Variants in MYO10 observed in about 807,000 individuals in gnomAD.
The protein encoded by MYO10 is myosin X.
MYO10 carries 133 observed loss-of-function variants against 257.3 expected under a neutral mutation model. The observed-to-expected ratio is 0.52, with a 90% CI of 0.45 to 0.60. The LOEUF is 0.60. MYO10 is among the 20% of genes least tolerant of loss of function. The pLI, the probability that MYO10 is intolerant of heterozygous loss-of-function variation, is 0.00. For synonymous variants in MYO10, 1,104 were observed against 1,028.6 expected, an observed-to-expected ratio of 1.07 and a Z score of -1.40; for missense variants, 2,399 against 2,635.7, an observed-to-expected ratio of 0.91 and a Z score of 1.97.
intron 1 of MYO10, among the ~76,000 whole-genome samples, chr5:16,895,980 A>T (rs1397410682): frequency 1.3e-5 from 2 of 152,208 alleles, no homozygotes; most frequent in Admixed American, 1.3e-4. Context: ...CTGCTCCTCA[A>T]CCGGACTGCA....
At chr5:16,905,419 G>A (rs1192823702) in intron 1 of MYO10, among the ~76,000 whole-genome samples, 4 of 152,068 alleles carry the variant, frequency 2.6e-5, no homozygotes, top group Non-Finnish European at 4.4e-5. Flanking sequence ...GAGGGCAGGG[G>A]GACAGCTGGA....
At position 16,662,436 on chromosome 5, in the gene MYO10, A is replaced by C. The variant is rs754991185; in HGVS notation, c.*4256T>G. On this transcript the variant is annotated 3_prime_UTR_variant, in exon 41 of 41. Coordinates refer to ENST00000513610, the MANE Select transcript of MYO10 (RefSeq NM_012334.3). The stretch of plus-strand genomic sequence containing the variant: ...CCTCCTGGGTTCAAACGATTTTCTC[A>C]TCTCAGCCTCCCCAGTAGCTGGGAC... The C allele has an allele frequency of 6.9e-6, 1 of 144,598 alleles. No homozygotes were observed. Among genetic ancestry groups the C allele is most frequent in the Non-Finnish European group, 1.5e-5 (1 of 67,186 alleles). 9.0% of individuals were successfully genotyped at this position (144,598 alleles called of 1,614,324 possible).
chr5:16,742,256 A>C, intron 19 of MYO10: 6 of 985,272 alleles, frequency 6.1e-6, no homozygotes, highest in Non-Finnish European at 7.2e-6. Flanking sequence ...GCTGCAATTT[A>C]TCCTGATCTC....
At chr5:16,798,787 T>C (rs1264816446) in intron 3 of MYO10, among the ~76,000 whole-genome samples, 1 of 152,178 alleles carries the variant, frequency 6.6e-6, no homozygotes, top group Non-Finnish European at 1.5e-5. Context: ...TCACTCTTTA[T>C]GCAGCCAGGT....
intron 5 of MYO10, 136 bp downstream of exon 5, chr5:16,783,198 AC>A (rs1400414388): frequency 1.1e-6 from 1 of 879,076 alleles, no homozygotes; most frequent in African/African-American, 1.7e-5. Context: ...GCATGGCAAG[AC>A]CTTTTCTTAA....
At chr5:16,854,527 C>T (rs1743903800) in intron 2 of MYO10, among the ~76,000 whole-genome samples, 1 of 152,048 alleles carries the variant, frequency 6.6e-6, no homozygotes, top group African/African-American at 2.4e-5. Context: ...AGCAGCTGCC[C>T]AAGGCTGGGG....
chr5:16,748,606 G>C (rs1214322877), intron 19 of MYO10, among the ~76,000 whole-genome samples: 1 of 107,012 alleles, frequency 9.3e-6, no homozygotes, highest in Admixed American at 9.1e-5. Flanking sequence ...AAAAGAAAAA[G>C]AGGGAGAGAG....
intron 21 of MYO10, among the ~76,000 whole-genome samples, chr5:16,707,398 C>T (rs1738394912): frequency 6.6e-6 from 1 of 152,240 alleles, no homozygotes; most frequent in African/African-American, 2.4e-5. Flanking sequence ...GGCACCAAAG[C>T]AGCTGAGCAA....
chr5:16,694,544 G>A lies in MYO10; in HGVS notation c.3627C>T (p.Ser1209=), dbSNP rs1392680638. ...LKDETFLWFR[S]KQEALKQGWL... ...AGCCTTGCTTGAGGGCCTCCTGCTT[G>A]GAGCGGAACCACAAGAAGGTTTCAT... is the stretch of plus-strand genomic sequence containing the variant. Residue 1209 remains serine, a synonymous_variant, in exon 27 of 41, where the codon TCC becomes TCT. Transcript: ENST00000513610. 6.2e-7 allele frequency: 1 copy of A among 1,613,988 alleles called. No individual in the cohort carries two copies. Among genetic ancestry groups the A allele is most frequent in the East Asian group, 2.2e-5 (1 of 44,876 alleles).
chr5:16,828,970 C>G (rs978653472), intron 2 of MYO10, among the ~76,000 whole-genome samples: 2 of 152,162 alleles, frequency 1.3e-5, no homozygotes, highest in African/African-American at 4.8e-5. Flanking sequence ...CTCATGGTGG[C>G]CTGTTAGCTG....
chr5:16,911,440 T>C (rs1332310093), intron 1 of MYO10, among the ~76,000 whole-genome samples: 1 of 152,122 alleles, frequency 6.6e-6, no homozygotes, highest in Non-Finnish European at 1.5e-5. Flanking sequence ...CTTAAAACAT[T>C]ATGAGATTTC....
chr5:16,822,206 G>A (rs936077547), intron 2 of MYO10, among the ~76,000 whole-genome samples: 2 of 151,894 alleles, frequency 1.3e-5, no homozygotes, highest in African/African-American at 2.4e-5. Context: ...TGGCGTGTGC[G>A]GCAAGCCACC....
intron 1 of MYO10, among the ~76,000 whole-genome samples, chr5:16,931,028 T>C (rs1364856219): frequency 2.6e-5 from 4 of 152,174 alleles, no homozygotes; most frequent in Admixed American, 6.5e-5. Flanking sequence ...TCCCAGCACT[T>C]TGGGAAGCCA....
chr5:16,867,655 C>G (rs1037577891), intron 2 of MYO10, among the ~76,000 whole-genome samples: 1 of 152,136 alleles, frequency 6.6e-6, no homozygotes, highest in South Asian at 2.1e-4. Flanking sequence ...AAGTCAGAGA[C>G]GGCTTTAAGT....
At chr5:16,717,986 G>C (rs956413115) in intron 19 of MYO10, among the ~76,000 whole-genome samples, 1 of 152,236 alleles carries the variant, frequency 6.6e-6, no homozygotes, top group Admixed American at 6.5e-5. Flanking sequence ...GCTGCGTGCA[G>C]CGCTTGCGGG....
chr5:16,927,450 G>T (rs1182421474), intron 1 of MYO10, among the ~76,000 whole-genome samples: 1 of 152,006 alleles, frequency 6.6e-6, no homozygotes, highest in African/African-American at 2.4e-5. Flanking sequence ...TCATCCTCCC[G>T]AGTAGCTGGG....
chr5:16,911,061 A>C (rs1186373061), intron 1 of MYO10, among the ~76,000 whole-genome samples: 1 of 152,166 alleles, frequency 6.6e-6, no homozygotes, highest in Non-Finnish European at 1.5e-5. Context: ...ATCCATAAAG[A>C]ATGGGCCAGG....
At chr5:16,851,230 ACT>A (rs1743793104) in intron 2 of MYO10, among the ~76,000 whole-genome samples, 1 of 151,960 alleles carries the variant, frequency 6.6e-6, no homozygotes, top group African/African-American at 2.4e-5. Context: ...TGTTCCGGAG[ACT>A]CTGTTATTTG....
At chr5:16,681,640 G>T (rs956444355) in intron 31 of MYO10, 137 bp from the exon 32 acceptor site, 2 of 1,073,398 alleles carry the variant, frequency 1.9e-6, no homozygotes, top group Non-Finnish European at 2.6e-6. Context: ...ACCCCAACCC[G>T]ATGTAAATGG....
Sources: allele counts gnomAD v4.1 joint callset (sites outside exome capture counted in the v4.1 genomes callset), GRCh38; gene constraint gnomAD v4.1.1; transcripts MANE v1.5; gene names NCBI Gene and HGNC (gene_info 2026-07-23, HGNC 2026-07-21).